Variants in LRRC3B observed in about 807,000 individuals in gnomAD.
The protein encoded by LRRC3B is leucine-rich repeat-containing protein 3B.
LRRC3B carries 2 observed loss-of-function variants against 12.8 expected under a neutral mutation model. That is an observed-to-expected ratio of 0.16 (90% CI 0.06 to 0.49). The LOEUF is 0.49. LRRC3B is among the 20% of genes least tolerant of loss of function. LRRC3B has a pLI of 0.96. For synonymous variants in LRRC3B, 132 were observed against 122.0 expected (o/e 1.08, Z -0.54); for missense variants, 189 against 319.4 (o/e 0.59, Z 3.11).
chr3:26,685,554 T>C, intron 1 of LRRC3B, among the ~76,000 whole-genome samples: 1 of 122,066 alleles, frequency 8.2e-6, no homozygotes, highest in Non-Finnish European at 1.7e-5. Flanking sequence ...TATATATATA[T>C]ATATTCACAT....
chr3:26,669,744 A>T (rs549113841), intron 1 of LRRC3B, among the ~76,000 whole-genome samples: 1 of 152,352 alleles, frequency 6.6e-6, no homozygotes, highest in South Asian at 2.1e-4. Flanking sequence ...ACTTAATGTC[A>T]TATGGTTGCC....
intron 1 of LRRC3B, among the ~76,000 whole-genome samples, chr3:26,679,627 T>A (rs1400692742): frequency 6.6e-6 from 1 of 152,180 alleles, no homozygotes; most frequent in Non-Finnish European, 1.5e-5. Flanking sequence ...TGCAACATGT[T>A]CCATGCTTTT....
At chr3:26,632,883 G>C (rs1355771998) in intron 1 of LRRC3B, among the ~76,000 whole-genome samples, 1 of 152,102 alleles carries the variant, frequency 6.6e-6, no homozygotes, top group Admixed American at 6.5e-5. Context: ...GAACTGGCCT[G>C]TGCTGACGAT....
At chr3:26,682,731 A>G (rs562249716) in intron 1 of LRRC3B, among the ~76,000 whole-genome samples, 37 of 152,306 alleles carry the variant, frequency 2.4e-4, no homozygotes, top group Non-Finnish European at 4.4e-4. Context: ...GGGTTCTCAC[A>G]TGAAAGTGGC....
At chr3:26,688,454 G>A (rs1323979473) in intron 1 of LRRC3B, among the ~76,000 whole-genome samples, 1 of 152,126 alleles carries the variant, frequency 6.6e-6, no homozygotes, top group Non-Finnish European at 1.5e-5. Flanking sequence ...CATTTATAAC[G>A]AAAAGAAGTT....
intron 1 of LRRC3B, among the ~76,000 whole-genome samples, chr3:26,699,884 G>A (rs1043463921): frequency 4.6e-5 from 7 of 152,102 alleles, no homozygotes; most frequent in Non-Finnish European, 7.4e-5. Context: ...CAGAGACATC[G>A]TGGTATCTTT....
At chr3:26,707,303 T>A (rs1249427369) in intron 1 of LRRC3B, among the ~76,000 whole-genome samples, 2 of 150,758 alleles carry the variant, frequency 1.3e-5, no homozygotes, top group African/African-American at 4.9e-5. Context: ...AGGCGGAGAT[T>A]TGCAGTGAGC....
At chr3:26,628,115 C>T (rs986316083) in intron 1 of LRRC3B, among the ~76,000 whole-genome samples, 7 of 152,190 alleles carry the variant, frequency 4.6e-5, no homozygotes, top group African/African-American at 1.7e-4. Flanking sequence ...CCACATGACA[C>T]GTCTGCTGGG....
intron 1 of LRRC3B, among the ~76,000 whole-genome samples, chr3:26,647,376 C>G (rs1325980527): frequency 3.3e-5 from 5 of 152,158 alleles, no homozygotes; most frequent in African/African-American, 1.2e-4. Flanking sequence ...TGTGCTTTCA[C>G]TCCTGTATGC....
At chr3:26,671,389 G>T (rs1248095071) in intron 1 of LRRC3B, among the ~76,000 whole-genome samples, 1 of 113,300 alleles carries the variant, frequency 8.8e-6, no homozygotes, top group Non-Finnish European at 1.8e-5. Flanking sequence ...GAGAGAGAGA[G>T]AGAGAGAGAG....
intron 1 of LRRC3B, among the ~76,000 whole-genome samples, chr3:26,639,377 C>A (rs965640765): frequency 6.6e-6 from 1 of 151,482 alleles, no homozygotes; most frequent in African/African-American, 2.4e-5. Context: ...AATACTTGAC[C>A]TATATTTAGA....
Position 26,663,360 on chromosome 3 carries a change from T to G in LRRC3B, c.-161+40123T>G, listed in dbSNP as rs550793820. Among the ~76,000 whole-genome samples the G allele has an allele frequency of 2.0e-4, 30 of 152,268 alleles. No homozygotes were observed. The South Asian group carries it at 5.6e-3, about 28-fold the overall frequency. On this transcript the variant is annotated intron_variant, in intron 1 of 1. Coordinates refer to ENST00000396641, the Ensembl canonical transcript of LRRC3B. The stretch of plus-strand genomic sequence containing the variant: ...ACACATGCATCTTTATTTTACTATT[T>G]GCTCTTCTAGTAAACTTTTGCATAT...
At chr3:26,648,623 A>C (rs1197543540) in intron 1 of LRRC3B, among the ~76,000 whole-genome samples, 1 of 152,224 alleles carries the variant, frequency 6.6e-6, no homozygotes, top group African/African-American at 2.4e-5. Flanking sequence ...GAGAACCAGA[A>C]TCCTGCCACA....
At chr3:26,655,008 T>C (rs1016691482) in intron 1 of LRRC3B, among the ~76,000 whole-genome samples, 9 of 152,182 alleles carry the variant, frequency 5.9e-5, no homozygotes, top group African/African-American at 2.2e-4. Context: ...AATATATTTA[T>C]AAAGGATATC....
chr3:26,669,150 G>A (rs1175769456), intron 1 of LRRC3B, among the ~76,000 whole-genome samples: 1 of 152,108 alleles, frequency 6.6e-6, no homozygotes, highest in African/African-American at 2.4e-5. Flanking sequence ...ATTTTTTTCA[G>A]TCAGTGAACA....
At chr3:26,691,124 T>C (rs1388472163) in intron 1 of LRRC3B, among the ~76,000 whole-genome samples, 1 of 142,046 alleles carries the variant, frequency 7.0e-6, no homozygotes, top group Non-Finnish European at 1.5e-5. Context: ...TATATATATA[T>C]ATATATATAT....
chr3:26,689,744 A>G (rs1003361151), intron 1 of LRRC3B, among the ~76,000 whole-genome samples: 1 of 152,222 alleles, frequency 6.6e-6, no homozygotes, highest in Non-Finnish European at 1.5e-5. Context: ...TTAGCCATCC[A>G]GATCTTCATT....
chr3:26,709,767 G>GT lies in LRRC3B; in HGVS notation c.96dup (p.Met33TyrfsTer19). On this transcript the variant is annotated frameshift_variant, in exon 2 of 2. Coordinates refer to ENST00000396641, the Ensembl canonical transcript of LRRC3B. LOFTEE classifies it high-confidence loss of function. ...ATGATACTGTGCTTTCATTCTGCCA[G>GT]TATGTGTCCCAAGGGCTGTCTTTGT... 2 of 1,614,096 alleles carry GT rather than the reference G, an allele frequency of 1.2e-6. No homozygotes were observed. The highest frequency in any genetic ancestry group is 1.7e-6 in the Non-Finnish European group (2 of 1,180,008).
intron 1 of LRRC3B, among the ~76,000 whole-genome samples, chr3:26,703,523 A>G (rs1700509874): frequency 6.6e-6 from 1 of 152,102 alleles, no homozygotes; most frequent in Non-Finnish European, 1.5e-5. Context: ...TGGGGAAGCT[A>G]TAGGTGGGCT....
Sources: allele counts gnomAD v4.1 joint callset (sites outside exome capture counted in the v4.1 genomes callset), GRCh38; gene constraint gnomAD v4.1.1; transcripts MANE v1.5; gene names NCBI Gene and HGNC (gene_info 2026-07-23, HGNC 2026-07-21).